CYP4F22: variants seen among roughly 807,000 people sequenced by gnomAD.
CYP4F22 encodes ultra-long-chain fatty acid omega-hydroxylase.
A neutral mutation model predicts 60.4 loss-of-function variants in CYP4F22; 37 were observed. The ratio of observed to expected loss-of-function variants is 0.61; its 90% confidence interval spans 0.47 to 0.81. CYP4F22 has a LOEUF of 0.81. CYP4F22 is among the 30% of genes least tolerant of loss of function. CYP4F22 has a pLI of 0.00. For missense variants in CYP4F22, 655 were observed against 715.0 expected, an observed-to-expected ratio of 0.92 and a Z score of 0.96; for synonymous variants, 258 against 280.5, an observed-to-expected ratio of 0.92 and a Z score of 0.80.
intron 10 of CYP4F22, among the ~76,000 whole-genome samples, chr19:15,546,847 A>G (rs886917418): frequency 1.3e-5 from 2 of 151,206 alleles, no homozygotes. Flanking sequence ...AGTAGCTGGG[A>G]CCACAGGTGT....
intron 1 of CYP4F22, among the ~76,000 whole-genome samples, chr19:15,510,967 T>TATATA (rs374989279): frequency 8.3e-4 from 44 of 52,706 alleles, no homozygotes; most frequent in African/African-American, 2.2e-3. Flanking sequence ...TATATATATA[T>TATATA]TTTTTTTTTT....
chr19:15,514,671 G>GAAAGAAAGAAAGAAAGAA (rs756709893), intron 1 of CYP4F22, among the ~76,000 whole-genome samples: 1 of 151,818 alleles, frequency 6.6e-6, no homozygotes, highest in Non-Finnish European at 1.5e-5. Context: ...ACTTTGTCTT[G>GAAAGAAAGAAAGAAAGAA]AAAGAAAGAA....
intron 3 of CYP4F22, among the ~76,000 whole-genome samples, chr19:15,528,172 GCTGGGCACAGTGGCT>G (rs2144516245): frequency 1.3e-5 from 2 of 152,294 alleles, no homozygotes; most frequent in East Asian, 3.9e-4. Context: ...TGAAATAAAG[GCTGGGCACAGTGGCT>G]CACACCTGCA....
intron 1 of CYP4F22, among the ~76,000 whole-genome samples, chr19:15,509,389 G>A (rs1308918379): frequency 6.6e-6 from 1 of 152,102 alleles, no homozygotes; most frequent in African/African-American, 2.4e-5. Context: ...GAGTCTCACC[G>A]CCCTGTAGGC....
intron 3 of CYP4F22, among the ~76,000 whole-genome samples, chr19:15,526,073 G>A (rs550305621): frequency 2.6e-5 from 4 of 152,106 alleles, no homozygotes; most frequent in Non-Finnish European, 5.9e-5. Context: ...GCTGAGGCGC[G>A]AGGATTGTTT....
intron 1 of CYP4F22, chr19:15,516,719 T>C: frequency 1.8e-6 from 1 of 567,498 alleles, no homozygotes; most frequent in East Asian, 4.3e-5. Flanking sequence ...ATTCTTGTTG[T>C]TTTTGGGGAA....
At chr19:15,538,165 T>A (rs1320531119) in intron 7 of CYP4F22, among the ~76,000 whole-genome samples, 172 bp downstream of exon 7, 1 of 152,142 alleles carries the variant, frequency 6.6e-6, no homozygotes, top group Non-Finnish European at 1.5e-5. Flanking sequence ...CTTTTTTTTT[T>A]AATCAAAAAA....
At chr19:15,512,631 C>T (rs995980652) in intron 1 of CYP4F22, among the ~76,000 whole-genome samples, 12 of 151,892 alleles carry the variant, frequency 7.9e-5, no homozygotes, top group Admixed American at 2.6e-4. Context: ...TTAGTAGAGA[C>T]GGAGTCTCAC....
chr19:15,543,559 T>A (rs890677890), intron 8 of CYP4F22, among the ~76,000 whole-genome samples: 2 of 152,064 alleles, frequency 1.3e-5, no homozygotes, highest in Admixed American at 1.3e-4. Context: ...ACAGCTTGGC[T>A]TAAGAGAGAG....
intron 4 of CYP4F22, among the ~76,000 whole-genome samples, chr19:15,535,942 G>A (rs550928480): frequency 6.6e-6 from 1 of 152,314 alleles, no homozygotes; most frequent in South Asian, 2.1e-4. Context: ...AAGCATTCAA[G>A]TTCTCATACA....
At chr19:15,536,151 C>A (rs1218103002) in intron 4 of CYP4F22, among the ~76,000 whole-genome samples, 1 of 152,058 alleles carries the variant, frequency 6.6e-6, no homozygotes, top group Non-Finnish European at 1.5e-5. Context: ...CCAGCCTGGG[C>A]AATATGGCGA....
chr19:15,528,244 G>T (rs1157716940), intron 3 of CYP4F22, among the ~76,000 whole-genome samples: 1 of 152,070 alleles, frequency 6.6e-6, no homozygotes, highest in Non-Finnish European at 1.5e-5. Context: ...CTTGAGCCCG[G>T]GAGTTTGAGA....
At chr19:15,533,591 CTTTTTTT>C (rs34585637) in intron 4 of CYP4F22, among the ~76,000 whole-genome samples, 1 of 91,434 alleles carries the variant, frequency 1.1e-5, no homozygotes, top group Non-Finnish European at 2.1e-5. Flanking sequence ...CAGTTTCATT[CTTTTTTT>C]TTTTTTTTTT....
chr19:15,526,941 C>G (rs1971289606), intron 3 of CYP4F22, among the ~76,000 whole-genome samples: 1 of 152,000 alleles, frequency 6.6e-6, no homozygotes, highest in Admixed American at 6.6e-5. Context: ...TTAGTAGGGA[C>G]AGGGTTTCAC....
In CYP4F22 at chr19:15,524,680, G is replaced by GAGAAAGAA. The variant is rs34409297; in HGVS notation, c.-1-640_-1-633dup. The stretch of plus-strand genomic sequence containing the variant: ...AAAGAAAGAAAGAAGGAGAGAGAGA[G>GAGAAAGAA]AGAAAGAAAGAAAGAAAGAAAGAGA... On this transcript the variant is annotated intron_variant, in intron 2 of 13. Transcript: ENST00000269703. Among the ~76,000 whole-genome samples the GAGAAAGAA allele has an allele frequency of 4.6e-3, 690 of 149,120 alleles. 10 individuals are homozygous for GAGAAAGAA. The highest frequency in any genetic ancestry group is 5.3e-3 in the Non-Finnish European group (359 of 67,252).
intron 8 of CYP4F22, among the ~76,000 whole-genome samples, chr19:15,543,365 T>G (rs1971485399): frequency 6.6e-6 from 1 of 152,076 alleles, no homozygotes; most frequent in Admixed American, 6.6e-5. Flanking sequence ...CTGGCTGATT[T>G]TTTTTTTGTA....
chr19:15,551,150 CT>C, intron 13 of CYP4F22, 143 bp from the exon 14 acceptor site: 1 of 1,090,340 alleles, frequency 9.2e-7, no homozygotes, highest in South Asian at 1.4e-5. Context: ...TGGGGTCTCA[CT>C]TTAACCCTCA....
At chr19:15,518,696 A>C (rs1971185638) in intron 1 of CYP4F22, among the ~76,000 whole-genome samples, 1 of 150,778 alleles carries the variant, frequency 6.6e-6, no homozygotes, top group Admixed American at 6.6e-5. Flanking sequence ...CAGAAAAAAA[A>C]AAAAAAGAAA....
intron 3 of CYP4F22, among the ~76,000 whole-genome samples, chr19:15,528,358 C>T (rs750002002): frequency 2.0e-5 from 3 of 152,112 alleles, no homozygotes; most frequent in Admixed American, 2.0e-4. Context: ...CTGCCACTGT[C>T]GCTTCTGTGA....
Sources: gnomAD v4.1 joint callset for allele counts (sites outside exome capture counted in the v4.1 genomes callset) on GRCh38, gnomAD v4.1.1 for gene constraint, MANE v1.5 for transcripts, NCBI Gene and HGNC (gene_info 2026-07-23, HGNC 2026-07-21) for gene names.